Variants in LSAMP observed in about 807,000 individuals in gnomAD.
The protein encoded by LSAMP is limbic system associated membrane protein, also known as limbic system-associated membrane protein.
Under a neutral mutation model 38.6 loss-of-function variants are expected in LSAMP, and 7 were observed. That is an observed-to-expected ratio of 0.18 (90% CI 0.10 to 0.34). The LOEUF (loss-of-function observed/expected upper bound fraction) is 0.34. LSAMP is among the 10% of genes least tolerant of loss of function. LSAMP has a pLI of 1.00. For synonymous variants in LSAMP, 154 were observed against 166.8 expected, an observed-to-expected ratio of 0.92 and a Z score of 0.59; for missense variants, 313 against 420.0, an observed-to-expected ratio of 0.75 and a Z score of 2.23.
At chr3:116,414,080 T>C (rs1576205611) in intron 1 of LSAMP, among the ~76,000 whole-genome samples, 2 of 152,230 alleles carry the variant, frequency 1.3e-5, no homozygotes, top group Admixed American at 1.3e-4. Context: ...TTATTTGTTT[T>C]AAACAGCACT....
intron 1 of LSAMP, among the ~76,000 whole-genome samples, chr3:116,401,661 C>T (rs886294467): frequency 2.0e-5 from 3 of 152,188 alleles, no homozygotes; most frequent in African/African-American, 7.2e-5. Context: ...ACCTGACCAG[C>T]TTCTGACTCT....
In LSAMP at chr3:116,445,345, GTC is replaced by G; in HGVS notation, c.-316_-315del. Reference sequence around the variant, plus strand: ...AGCCAAAGGAAAGGGTTCTTGTTTGGTCTCTCTGTGACTGGATGCTCCTCTGC... The same window carrying G: ...AGCCAAAGGAAAGGGTTCTTGTTTGGTCTCTGTGACTGGATGCTCCTCTGC... On this transcript the variant is annotated 5_prime_UTR_variant, in exon 1 of 7. Transcript: ENST00000490035. The G allele has an allele frequency of 1.8e-6, 1 of 554,858 alleles. No individual in the cohort carries two copies. Among genetic ancestry groups the G allele is most frequent in the South Asian group, 2.6e-5 (1 of 38,872 alleles). The allele number at this position is 554,858 out of a possible 1,614,324, so 34.4% of individuals were successfully genotyped here.
intron 1 of LSAMP, among the ~76,000 whole-genome samples, chr3:116,412,263 C>CG (rs2048990314): frequency 6.6e-6 from 1 of 151,930 alleles, no homozygotes; most frequent in South Asian, 2.1e-4. Context: ...AACAGAAAGG[C>CG]AAAGCAATAG....
At chr3:116,290,734 A>AAT (rs2047253914) in intron 1 of LSAMP, among the ~76,000 whole-genome samples, 8 of 140,504 alleles carry the variant, frequency 5.7e-5, no homozygotes, top group Non-Finnish European at 1.2e-4. Context: ...TGTCTCACAA[A>AAT]AATAATAATA....
At position 115,811,759 on chromosome 3, in the gene LSAMP, C is replaced by T. The variant is rs946936157; in HGVS notation, c.920-1345G>A. Among the ~76,000 whole-genome samples the T allele has an allele frequency of 1.3e-4, 20 of 152,210 alleles. No homozygotes were observed. In the Middle Eastern group the frequency reaches 0.01, roughly 78 times the overall value. ...ATAAAAGCAACAACAACAATAAGAACGAAACCACAAACGATTATACAGCAC... is the reference window on the plus strand; with the variant it reads ...ATAAAAGCAACAACAACAATAAGAATGAAACCACAAACGATTATACAGCAC... On this transcript the variant is annotated intron_variant, in intron 6 of 6. Transcript: ENST00000490035.
intron 1 of LSAMP, among the ~76,000 whole-genome samples, chr3:116,209,043 A>G (rs902810422): frequency 1.3e-5 from 2 of 152,156 alleles, no homozygotes; most frequent in African/African-American, 4.8e-5. Context: ...TATGCTAGCA[A>G]TCAGCGAGAC....
chr3:115,890,703 T>C (rs1936577209), intron 3 of LSAMP, among the ~76,000 whole-genome samples: 1 of 151,960 alleles, frequency 6.6e-6, no homozygotes. Flanking sequence ...GTAAAAGATG[T>C]AGCCAGTAAG....
At chr3:116,418,898 C>T (rs961161755) in intron 1 of LSAMP, among the ~76,000 whole-genome samples, 3 of 152,144 alleles carry the variant, frequency 2.0e-5, no homozygotes, top group Admixed American at 2.0e-4. Context: ...TCATACTATG[C>T]TTCATCCATA....
intron 2 of LSAMP, among the ~76,000 whole-genome samples, chr3:116,032,134 T>C (rs1157530846): frequency 6.6e-6 from 1 of 152,122 alleles, no homozygotes; most frequent in Non-Finnish European, 1.5e-5. Flanking sequence ...CTTTTTATCT[T>C]TGTTTGCCCT....
At chr3:116,239,690 A>G (rs1191355069) in intron 1 of LSAMP, among the ~76,000 whole-genome samples, 2 of 152,162 alleles carry the variant, frequency 1.3e-5, no homozygotes, top group Non-Finnish European at 2.9e-5. Context: ...CTATCCCTGG[A>G]AGAGTTCAAT....
At chr3:115,989,476 G>A (rs956221631) in intron 3 of LSAMP, among the ~76,000 whole-genome samples, 1 of 151,970 alleles carries the variant, frequency 6.6e-6, no homozygotes, top group East Asian at 1.9e-4. Flanking sequence ...GTACAATAAA[G>A]GCTTCTTTTT....
At chr3:116,411,586 C>T (rs1383114667) in intron 1 of LSAMP, among the ~76,000 whole-genome samples, 3 of 127,962 alleles carry the variant, frequency 2.3e-5, no homozygotes, top group Non-Finnish European at 3.1e-5. Flanking sequence ...TGAGAACACA[C>T]AGACACAGGA....
At chr3:116,425,666 G>A (rs2049185418) in intron 1 of LSAMP, among the ~76,000 whole-genome samples, 1 of 152,018 alleles carries the variant, frequency 6.6e-6, no homozygotes, top group Non-Finnish European at 1.5e-5. Flanking sequence ...AAATCTGGTT[G>A]AAGATACAGA....
intron 1 of LSAMP, among the ~76,000 whole-genome samples, chr3:116,284,351 A>T (rs1278506170): frequency 6.6e-6 from 1 of 152,230 alleles, no homozygotes; most frequent in East Asian, 1.9e-4. Context: ...TATCATTATG[A>T]AACCAGTATA....
intron 2 of LSAMP, among the ~76,000 whole-genome samples, chr3:116,075,514 C>G (rs1229401484): frequency 6.7e-6 from 1 of 148,962 alleles, no homozygotes; most frequent in Admixed American, 6.7e-5. Context: ...GCTTTATCTG[C>G]TTTTTTATTT....
chr3:116,342,595 C>T (rs1271980359), intron 1 of LSAMP, among the ~76,000 whole-genome samples: 1 of 151,968 alleles, frequency 6.6e-6, no homozygotes, highest in Non-Finnish European at 1.5e-5. Flanking sequence ...CCTAAGCTTT[C>T]AGTTGGAAAA....
intron 2 of LSAMP, among the ~76,000 whole-genome samples, chr3:116,046,201 T>C (rs1371725855): frequency 1.3e-5 from 2 of 152,196 alleles, no homozygotes; most frequent in Non-Finnish European, 2.9e-5. Flanking sequence ...GAAGCTGACA[T>C]TCTGGGCTAC....
At chr3:115,964,289 A>G (rs190070836) in intron 3 of LSAMP, among the ~76,000 whole-genome samples, 1 of 152,240 alleles carries the variant, frequency 6.6e-6, no homozygotes, top group Non-Finnish European at 1.5e-5. Flanking sequence ...TCACATATCA[A>G]CTAGAGTAAG....
At chr3:116,380,011 A>G (rs767429421) in intron 1 of LSAMP, among the ~76,000 whole-genome samples, 3 of 152,020 alleles carry the variant, frequency 2.0e-5, no homozygotes, top group Non-Finnish European at 2.9e-5. Flanking sequence ...ACACTACCAT[A>G]TACTGTGTAA....
Sources: gnomAD v4.1 joint callset for allele counts (sites outside exome capture counted in the v4.1 genomes callset) on GRCh38, gnomAD v4.1.1 for gene constraint, MANE v1.5 for transcripts, NCBI Gene and HGNC (gene_info 2026-07-23, HGNC 2026-07-21) for gene names.